CYP4F11: variants seen among roughly 807,000 people sequenced by gnomAD.
The protein encoded by CYP4F11 is cytochrome P450 family 4 subfamily F member 11.
CYP4F11 carries 79 observed loss-of-function variants against 62.2 expected under a neutral mutation model. The ratio of observed to expected loss-of-function variants is 1.27; its 90% CI spans 1.06 to 1.53. The LOEUF is 1.53. Ranked by LOEUF, CYP4F11 falls within the 40% of genes most tolerant of loss-of-function variation. The probability of loss-of-function intolerance (pLI) is 0.00; values close to 1 mark genes in which losing one functional copy is unlikely to be tolerated. For synonymous variants in CYP4F11, 290 were observed against 263.7 expected (o/e 1.10, Z -0.97); for missense variants, 777 against 680.5 (o/e 1.14, Z -1.58).
Position 15,934,305 on chromosome 19 carries a change from A to G in CYP4F11, c.104T>C (p.Leu35Pro). 6.2e-7 allele frequency: 1 copy of G among 1,613,498 alleles called. No homozygotes were observed. Among genetic ancestry groups the G allele is most frequent in the Non-Finnish European group, 8.5e-7 (1 of 1,179,726 alleles). The change falls in exon 1 of 12, where the codon CTG (leucine) becomes CCG (proline). Residue 35 changes from leucine (L) to proline (P), a missense_variant. Coordinates refer to ENST00000402119, the MANE Select transcript of CYP4F11 (RefSeq NM_021187.4). ...VGGSWLLARVLAWTYTFYDNC... is the reference protein window; with the variant it reads ...VGGSWLLARVPAWTYTFYDNC... Reference sequence around the variant, plus strand: ...GTCATAGAAGGTGTAGGTCCAGGCCAGGACGCGGGCCAGGAGCCAGGAGCC... The same window carrying G: ...GTCATAGAAGGTGTAGGTCCAGGCCGGGACGCGGGCCAGGAGCCAGGAGCC...
chr19:15,926,302 AG>A lies in CYP4F11; in HGVS notation c.525+909del, dbSNP rs139794563. Among the ~76,000 whole-genome samples the A allele has an allele frequency of 2.3e-4, 35 of 152,352 alleles. No individual in the cohort carries two copies. The East Asian group carries it at 2.9e-3, about 13-fold the overall frequency. Reference sequence around the variant, plus strand: ...TGGTTTGGAGAAATTATGCAAACCAAGAACATGCTGCTTGCTATGCCGTGAG... The same window carrying A: ...TGGTTTGGAGAAATTATGCAAACCAAAACATGCTGCTTGCTATGCCGTGAG... On this transcript the variant is annotated intron_variant, in intron 4 of 11. Transcript: ENST00000402119.
chr19:15,929,093 T>C (rs2089690964), intron 2 of CYP4F11, among the ~76,000 whole-genome samples: 1 of 152,218 alleles, frequency 6.6e-6, no homozygotes, highest in Admixed American at 6.5e-5. Context: ...AGGAAAGACC[T>C]TGTTCTCCCA....
intron 4 of CYP4F11, among the ~76,000 whole-genome samples, chr19:15,925,975 T>C (rs1316150186): frequency 3.3e-5 from 5 of 151,650 alleles, no homozygotes; most frequent in African/African-American, 4.8e-5. Context: ...CAATCCTGGC[T>C]AACATGGTGA....
intron 4 of CYP4F11, among the ~76,000 whole-genome samples, chr19:15,925,684 G>GTGTGTGTATA (rs2089663124): frequency 6.7e-6 from 1 of 148,860 alleles, no homozygotes; most frequent in Admixed American, 6.9e-5. Context: ...AAGCAAATGT[G>GTGTGTGTATA]TGTGTGTATA....
At position 15,929,450 on chromosome 19, in the gene CYP4F11, C is replaced by G; in HGVS notation, c.343+7G>C. The G allele has an allele frequency of 6.2e-7, 1 of 1,614,022 alleles. No individual in the cohort carries two copies. Among genetic ancestry groups the G allele is most frequent in the Non-Finnish European group, 8.5e-7 (1 of 1,180,018 alleles). On this transcript the variant is annotated splice_region_variant and intron_variant, in intron 2 of 11. Coordinates refer to ENST00000402119, the MANE Select transcript of CYP4F11 (RefSeq NM_021187.4). ...AGCCCCCACTACCACAAGCTCTGCACGGGTACCTGAGGCACTGGTGATAGG... is the reference window on the plus strand; with the variant it reads ...AGCCCCCACTACCACAAGCTCTGCAGGGGTACCTGAGGCACTGGTGATAGG...
chr19:15,929,298 G>A (rs548499566), intron 2 of CYP4F11, among the ~76,000 whole-genome samples, 159 bp downstream of exon 2: 5 of 152,190 alleles, frequency 3.3e-5, no homozygotes, highest in African/African-American at 4.8e-5. Flanking sequence ...CTGACATGGG[G>A]GGTTCGTGAA....
Position 15,934,376 on chromosome 19 carries a change from G to C in CYP4F11, c.33C>G (p.Leu11=). Residue 11 remains leucine, a synonymous_variant, in exon 1 of 12, where the codon CTC becomes CTG. Transcript: ENST00000402119. MPQLSLSWLG[L]GPVAASPWLL... is the part of the protein sequence containing the mutation. ...GCCACGGGGATGCTGCCACGGGCCC[G>C]AGGCCCAGCCAGGACAGGCTCAGCT... The C allele has an allele frequency of 1.2e-6, 2 of 1,613,274 alleles. No individual in the cohort carries two copies. The highest frequency in any genetic ancestry group is 1.7e-6 in the Non-Finnish European group (2 of 1,179,660).
At chr19:15,927,796 C>T (rs1379571889) in intron 2 of CYP4F11, 1 of 362,796 alleles carries the variant, frequency 2.8e-6, no homozygotes, top group African/African-American at 2.0e-5. Flanking sequence ...GGACCTAGGA[C>T]ACTCTGTCTA....
At chr19:15,930,029 AT>A (rs1273480764) in intron 1 of CYP4F11, among the ~76,000 whole-genome samples, 1 of 149,836 alleles carries the variant, frequency 6.7e-6, no homozygotes, top group African/African-American at 2.5e-5. Context: ...ACATTTTCCA[AT>A]TTCCGTAATA....
chr19:15,922,780 G>A (rs896339708), intron 6 of CYP4F11, among the ~76,000 whole-genome samples: 5 of 152,326 alleles, frequency 3.3e-5, no homozygotes, highest in Middle Eastern at 3.4e-3. Flanking sequence ...TTGGCTGGGC[G>A]TAATGGCTCA....
intron 8 of CYP4F11, among the ~76,000 whole-genome samples, chr19:15,915,138 A>G (rs2089573899): frequency 6.6e-6 from 1 of 152,256 alleles, no homozygotes; most frequent in Non-Finnish European, 1.5e-5. Flanking sequence ...GAAGCCAGCT[A>G]TTAAAAAGGT....
At chr19:15,931,010 C>T (rs113365795) in intron 1 of CYP4F11, among the ~76,000 whole-genome samples, 14 of 152,330 alleles carry the variant, frequency 9.2e-5, no homozygotes, top group African/African-American at 3.4e-4. Context: ...CAGACCAAGG[C>T]CATGTCCCCC....
rs2089753741 is a variant in CYP4F11, at chr19:15,934,011, A to C, written c.198+200T>G. On this transcript the variant is annotated intron_variant, in intron 1 of 11. Transcript: ENST00000402119. ...AGAGGAATGAGTGAGTGGGCAGAGG[A>C]ATGAGTGAGTGGGCAGAGGAATGAG... 1.4e-4 allele frequency among the ~76,000 whole-genome samples: 16 copies of C among 112,670 alleles called. 1 individual carries two copies. The highest frequency in any genetic ancestry group is 1.9e-4 in the Admixed American group (2 of 10,714). 73.9% of individuals were successfully genotyped at this position (112,670 alleles called of 152,430 possible). A position where few individuals can be genotyped will look rare whatever the true frequency, so the allele number is the denominator to read the frequency against.
chr19:15,929,334 TGA>T (rs1348296478), intron 2 of CYP4F11, 121 bp downstream of exon 2: 1 of 1,299,756 alleles, frequency 7.7e-7, no homozygotes, highest in Non-Finnish European at 1.1e-6. Flanking sequence ...GGAACATGGC[TGA>T]GAGAGAAGCA....
At chr19:15,919,013 G>T (rs2089602412) in intron 8 of CYP4F11, among the ~76,000 whole-genome samples, 1 of 149,552 alleles carries the variant, frequency 6.7e-6, no homozygotes, top group Non-Finnish European at 1.5e-5. Context: ...AAATAGCAAA[G>T]GGCAAAATAC....
At position 15,913,774 on chromosome 19, in the gene CYP4F11, T is replaced by G; in HGVS notation, c.1533A>C (p.Gly511=). ...CCAGGGGCTCCACCCGCAGCCAAAG[T>G]CCACCCTCTGCGCGCAATATCAGCT... ...KPELILRAEG[G]LWLRVEPLGA... is the part of the protein sequence containing the mutation. The change falls in exon 12 of 12, where the codon GGA becomes GGC. Residue 511 remains glycine, a synonymous_variant. Coordinates refer to ENST00000402119, the MANE Select transcript of CYP4F11 (RefSeq NM_021187.4). The G allele has an allele frequency of 6.2e-7, 1 of 1,614,152 alleles. No individual in the cohort carries two copies. Among genetic ancestry groups the G allele is most frequent in the South Asian group, 1.1e-5 (1 of 91,082 alleles).
chr19:15,917,211 A>C (rs2089590006), intron 8 of CYP4F11, among the ~76,000 whole-genome samples: 1 of 152,188 alleles, frequency 6.6e-6, no homozygotes, highest in South Asian at 2.1e-4. Flanking sequence ...TATAAGTGGA[A>C]GCTATGCTAT....
chr19:15,912,790 A>AGTGTGTGTGTGTG lies in CYP4F11; in HGVS notation c.*941_*942insCACACACACACAC, dbSNP rs775427798. The AGTGTGTGTGTGTG allele has an allele frequency of 1.2e-4, 5 of 43,464 alleles. No individual in the cohort carries two copies. The highest frequency in any genetic ancestry group is 2.7e-4 in the African/African-American group (2 of 7,464). The allele number at this position is 43,464 out of a possible 1,614,324, so 2.7% of individuals were successfully genotyped here. On this transcript the variant is annotated 3_prime_UTR_variant, in exon 12 of 12. Transcript: ENST00000402119. ...GTGTGTGTATATATATATATATATA[A>AGTGTGTGTGTGTG]TATATATATATATATACATATCTTA...
At chr19:15,921,906 G>C in intron 8 of CYP4F11, 131 bp downstream of exon 8, 5 of 1,199,914 alleles carry the variant, frequency 4.2e-6, no homozygotes, top group Non-Finnish European at 5.5e-6. Context: ...ATTAAGCCCT[G>C]CCTCTGAGAT....
Sources: gnomAD v4.1 joint callset for allele counts (sites outside exome capture counted in the v4.1 genomes callset) on GRCh38, gnomAD v4.1.1 for gene constraint, MANE v1.5 for transcripts, NCBI Gene and HGNC (gene_info 2026-07-23, HGNC 2026-07-21) for gene names.